Variants in NR5A2 observed in about 807,000 individuals in gnomAD.
NR5A2 encodes the protein CYP7A promoter-binding factor.
Under a neutral mutation model 62.7 loss-of-function variants are expected in NR5A2, and 26 were observed. That is an observed-to-expected ratio of 0.41 (90% CI 0.30 to 0.58). The LOEUF is 0.58. NR5A2 is among the 20% of genes least tolerant of loss of function. The pLI, the probability that NR5A2 is intolerant of heterozygous loss-of-function variation, is 0.22. For missense variants in NR5A2, 541 were observed against 669.1 expected (o/e 0.81, Z 2.11); for synonymous variants, 246 against 241.7 (o/e 1.02, Z -0.16).
intron 7 of NR5A2, among the ~76,000 whole-genome samples, chr1:200,121,431 G>A: frequency 6.6e-6 from 1 of 152,186 alleles, no homozygotes; most frequent in African/African-American, 2.4e-5. Flanking sequence ...ACTAGAGAAT[G>A]TTTATAACCA....
At chr1:200,165,952 A>G (rs1396086811) in intron 7 of NR5A2, among the ~76,000 whole-genome samples, 1 of 152,226 alleles carries the variant, frequency 6.6e-6, no homozygotes. Context: ...TATACCCATC[A>G]AACAACAACC....
chr1:200,061,275 C>CTT (rs35232000), intron 5 of NR5A2, among the ~76,000 whole-genome samples: 11,045 of 122,754 alleles, frequency 0.09, 974 homozygotes, highest in African/African-American at 0.2. Flanking sequence ...TCGGGATTAA[C>CTT]TTTTTTTTTT....
chr1:200,069,932 A>G (rs907196925), intron 5 of NR5A2, among the ~76,000 whole-genome samples: 15 of 152,262 alleles, frequency 9.9e-5, no homozygotes, highest in Non-Finnish European at 1.8e-4. Flanking sequence ...TTAAAATAGG[A>G]TGTTAGAGAT....
intron 5 of NR5A2, among the ~76,000 whole-genome samples, chr1:200,083,739 G>A (rs1417629521): frequency 6.6e-6 from 1 of 152,104 alleles, no homozygotes; most frequent in Non-Finnish European, 1.5e-5. Flanking sequence ...GGCTGAGGCA[G>A]GTGGATCACC....
Position 200,052,801 on chromosome 1 carries a change from C to T in NR5A2, c.1110+3983C>T, listed in dbSNP as rs367919614. On this transcript the variant is annotated intron_variant, in intron 5 of 7. Coordinates refer to ENST00000367362, the MANE Select transcript of NR5A2 (RefSeq NM_205860.3). Reference sequence around the variant, plus strand: ...GGACTACAGGTGCCTGCCACCACGCCGGCTAATTTTTTGTATTTTTAGTAG... The same window carrying T: ...GGACTACAGGTGCCTGCCACCACGCTGGCTAATTTTTTGTATTTTTAGTAG... Among the ~76,000 whole-genome samples, 24 of 152,018 alleles carry T rather than the reference C, an allele frequency of 1.6e-4. No homozygotes were observed. The East Asian group carries it at 3.7e-3, about 23-fold the overall frequency.
At chr1:200,066,343 G>A (rs763919709) in intron 5 of NR5A2, among the ~76,000 whole-genome samples, 2 of 151,974 alleles carry the variant, frequency 1.3e-5, no homozygotes, top group Non-Finnish European at 2.9e-5. Context: ...GTGGAGAAGG[G>A]GAACCAGACC....
In NR5A2 at chr1:200,073,276, ATATATATATATATATTCCCCTT is replaced by A. The variant is rs1180560496; in HGVS notation, c.1110+24474_1110+24495del. Among the ~76,000 whole-genome samples, 434 of 103,188 alleles carry A rather than the reference ATATATATATATATATTCCCCTT, an allele frequency of 4.2e-3. 25 individuals are homozygous for A. Among genetic ancestry groups the A allele is most frequent in the African/African-American group, 0.016 (404 of 25,646 alleles). 67.7% of individuals were successfully genotyped at this position (103,188 alleles called of 152,430 possible). A position where few individuals can be genotyped will look rare whatever the true frequency, so the allele number is the denominator to read the frequency against. ...TATATATATATTCCCCTTTATATAT[ATATATATATATATATTCCCCTT>A]TATATATATATATATATTCCCCTTT... On this transcript the variant is annotated intron_variant, in intron 5 of 7. Transcript: ENST00000367362.
intron 5 of NR5A2, among the ~76,000 whole-genome samples, chr1:200,067,141 C>A (rs1663520538): frequency 6.6e-6 from 1 of 152,194 alleles, no homozygotes; most frequent in Non-Finnish European, 1.5e-5. Context: ...GATCACCTAT[C>A]TATGCAGCCA....
At chr1:200,078,938 G>C (rs1433105818) in intron 5 of NR5A2, among the ~76,000 whole-genome samples, 1 of 152,114 alleles carries the variant, frequency 6.6e-6, no homozygotes, top group Admixed American at 6.5e-5. Flanking sequence ...TCACTTTTAT[G>C]TTTTTCAATT....
intron 7 of NR5A2, among the ~76,000 whole-genome samples, chr1:200,137,093 C>A (rs1259415320): frequency 6.6e-6 from 1 of 151,988 alleles, no homozygotes; most frequent in Non-Finnish European, 1.5e-5. Context: ...CCTCAGCCAC[C>A]CAAAGTGCTG....
chr1:200,111,469 T>C, intron 6 of NR5A2, 148 bp downstream of exon 6: 4 of 805,074 alleles, frequency 5.0e-6, no homozygotes, highest in Non-Finnish European at 7.5e-6. Flanking sequence ...CTTGGTGCAC[T>C]CTGTTCCTGC....
rs1384799020 is a variant in NR5A2, at chr1:200,040,727, C to A, written c.202+932C>A. Among the ~76,000 whole-genome samples the A allele has an allele frequency of 2.0e-5, 3 of 152,240 alleles. No individual in the cohort carries two copies. In the East Asian group the frequency reaches 5.8e-4, roughly 29 times the overall value. On this transcript the variant is annotated intron_variant, in intron 2 of 7. Transcript: ENST00000367362. ...CGGAACGCTTCCTGCCATCCCCTTG[C>A]GCGAACTTGAAAGGACTGGGAGGTG...
At chr1:200,036,701 G>A (rs1228149161) in intron 1 of NR5A2, among the ~76,000 whole-genome samples, 2 of 152,148 alleles carry the variant, frequency 1.3e-5, no homozygotes, top group Non-Finnish European at 2.9e-5. Context: ...CTGCCCCCAG[G>A]GAGCGTTTCC....
intron 3 of NR5A2, among the ~76,000 whole-genome samples, chr1:200,045,179 G>A (rs1444699728): frequency 1.3e-5 from 2 of 152,098 alleles, no homozygotes; most frequent in African/African-American, 4.8e-5. Flanking sequence ...TTTTCTGACT[G>A]TTGGGATAAA....
intron 6 of NR5A2, among the ~76,000 whole-genome samples, chr1:200,114,233 T>TATACAC (rs1553274029): frequency 4.7e-5 from 5 of 106,118 alleles, no homozygotes; most frequent in African/African-American, 9.9e-5. Context: ...TATATATATA[T>TATACAC]ACACACACAC....
At chr1:200,133,205 T>TG (rs1419926370) in intron 7 of NR5A2, among the ~76,000 whole-genome samples, 4 of 152,108 alleles carry the variant, frequency 2.6e-5, no homozygotes, top group African/African-American at 9.7e-5. Context: ...CCCAGAAACG[T>TG]GGGGAATGTA....
intron 5 of NR5A2, among the ~76,000 whole-genome samples, chr1:200,110,920 G>A (rs940915800): frequency 6.6e-6 from 1 of 152,132 alleles, no homozygotes; most frequent in African/African-American, 2.4e-5. Context: ...ATGTTAGGTA[G>A]ACCAGTTTAA....
intron 5 of NR5A2, among the ~76,000 whole-genome samples, chr1:200,106,775 A>C (rs1665691422): frequency 6.6e-6 from 1 of 152,184 alleles, no homozygotes; most frequent in Non-Finnish European, 1.5e-5. Context: ...AAAAACAAAA[A>C]ATCTTCAAAA....
chr1:200,031,571 CTTTTTTT>C (rs530174677), intron 1 of NR5A2, among the ~76,000 whole-genome samples: 1 of 89,532 alleles, frequency 1.1e-5, no homozygotes, highest in Non-Finnish European at 2.1e-5. Context: ...TCTTTAACAC[CTTTTTTT>C]TTTTTTTTTT....
Sources: allele counts gnomAD v4.1 joint callset (sites outside exome capture counted in the v4.1 genomes callset), GRCh38; gene constraint gnomAD v4.1.1; transcripts MANE v1.5; gene names NCBI Gene and HGNC (gene_info 2026-07-23, HGNC 2026-07-21).